The following BRWD1 variants were observed in gnomAD, a reference collection of about 807,000 sequenced individuals.
The protein encoded by BRWD1 is bromodomain and WD repeat domain containing 1, also known as bromodomain and WD repeat-containing protein 1.
A neutral mutation model predicts 251.2 loss-of-function variants in BRWD1; 82 were observed. The ratio of observed to expected loss-of-function variants is 0.33; its 90% CI spans 0.27 to 0.39. BRWD1 has a LOEUF of 0.39. Among genes scored for constraint, BRWD1 ranks in the 10% least tolerant of loss-of-function variants. BRWD1 has a pLI of 1.00. For synonymous variants in BRWD1, 918 were observed against 902.8 expected, an observed-to-expected ratio of 1.02 and a Z score of -0.30; for missense variants, 2,233 against 2,711.6, an observed-to-expected ratio of 0.82 and a Z score of 3.92.
chr21:39,262,301 C>T (rs1211613587), intron 17 of BRWD1, among the ~76,000 whole-genome samples: 1 of 152,084 alleles, frequency 6.6e-6, no homozygotes, highest in African/African-American at 2.4e-5. Flanking sequence ...GATAATATAC[C>T]CATCTATTCC....
At position 39,195,682 on chromosome 21, in the gene BRWD1, C is replaced by A; in HGVS notation, c.*577G>T. 1.0e-6 allele frequency: 1 copy of A among 985,174 alleles called. No individual in the cohort carries two copies. Among genetic ancestry groups the A allele is most frequent in the Non-Finnish European group, 1.2e-6 (1 of 829,682 alleles). 61.0% of individuals were successfully genotyped at this position (985,174 alleles called of 1,614,324 possible). A position where few individuals can be genotyped will look rare whatever the true frequency, so the allele number is the denominator to read the frequency against. ...CAGCACTTGGGAAGAAAATTAGAAA[C>A]CATTTCAATGAAAGTGACCAGATCT... On this transcript the variant is annotated 3_prime_UTR_variant, in exon 41 of 41. Coordinates refer to ENST00000342449, the MANE Select transcript of BRWD1 (RefSeq NM_033656.4).
At chr21:39,272,426 C>G (rs1041169826) in intron 13 of BRWD1, among the ~76,000 whole-genome samples, 4 of 151,120 alleles carry the variant, frequency 2.6e-5, no homozygotes, top group African/African-American at 9.7e-5. Flanking sequence ...ACTCGTGAGG[C>G]TGAGGCAGGA....
rs1350768791 is a variant in BRWD1, at chr21:39,277,271, C to T, written c.1084G>A (p.Ala362Thr). ...CTTACAGTGTGGCTTTCAAGTTCTG[C>T]GATTTTTTCGGGTGCTTCAAAACCC... is the stretch of plus-strand genomic sequence containing the variant. Reference protein sequence around the residue: ...FLGFEAPEKIAELESHTDKVD... With the variant: ...FLGFEAPEKITELESHTDKVD... The change falls in exon 11 of 41, where the codon GCA becomes ACA. Residue 362 changes from alanine to threonine, a missense_variant. Around this residue, in one of 12 missense-constraint regions of BRWD1, gnomAD observed 315 missense variants for 421.8 expected, o/e 0.75. Transcript: ENST00000342449. The T allele has an allele frequency of 3.1e-6, 5 of 1,609,888 alleles. No individual in the cohort carries two copies. The highest frequency in any genetic ancestry group is 2.7e-5 in the African/African-American group (2 of 74,764).
chr21:39,292,437 A>C (rs1036340147), intron 8 of BRWD1, among the ~76,000 whole-genome samples: 1 of 152,166 alleles, frequency 6.6e-6, no homozygotes, highest in Non-Finnish European at 1.5e-5. Flanking sequence ...AACACTAGAC[A>C]TTTTGTGCCT....
intron 21 of BRWD1, among the ~76,000 whole-genome samples, chr21:39,244,789 C>A (rs2034121203): frequency 1.3e-5 from 2 of 151,736 alleles, no homozygotes; most frequent in Admixed American, 1.3e-4. Flanking sequence ...TAGTTATTTC[C>A]AGACTAGGAT....
In BRWD1 at chr21:39,245,103, C is replaced by G. The variant is rs142955706; in HGVS notation, c.2481+2598G>C. On this transcript the variant is annotated intron_variant, in intron 21 of 40. Transcript: ENST00000342449. The stretch of plus-strand genomic sequence containing the variant: ...TACATAATATAATAGTTTAGCCAGG[C>G]AGGGTGGCTGGTGCCTGTTAATCCC... Among the ~76,000 whole-genome samples the G allele has an allele frequency of 2.9e-3, 443 of 151,420 alleles. 6 individuals carry two copies. Among genetic ancestry groups the G allele is most frequent in the African/African-American group, 0.01 (431 of 41,288 alleles).
intron 4 of BRWD1, among the ~76,000 whole-genome samples, chr21:39,311,031 A>G (rs762382288): frequency 8.7e-4 from 133 of 152,142 alleles, no homozygotes; most frequent in Non-Finnish European, 1.6e-3. Flanking sequence ...AGACAGACCA[A>G]ATCAGGGAGG....
intron 19 of BRWD1, among the ~76,000 whole-genome samples, chr21:39,253,758 A>G (rs934963006): frequency 3.3e-5 from 5 of 152,190 alleles, no homozygotes. Flanking sequence ...AATTTACAAA[A>G]TTATCTTCAA....
intron 27 of BRWD1, among the ~76,000 whole-genome samples, chr21:39,227,000 A>G (rs573917469): frequency 1.7e-3 from 255 of 152,054 alleles, no homozygotes; most frequent in Admixed American, 3.3e-3. Context: ...TGCAGCTTCC[A>G]GAATTTACAT....
chr21:39,313,575 C>G lies in BRWD1; in HGVS notation c.-84G>C, dbSNP rs909001929. 2.6e-6 allele frequency: 3 copies of G among 1,171,794 alleles called. No individual in the cohort carries two copies. Among genetic ancestry groups the G allele is most frequent in the Non-Finnish European group, 3.2e-6 (3 of 934,352 alleles). The allele number at this position is 1,171,794 out of a possible 1,614,324, so 72.6% of individuals were successfully genotyped here. Reference sequence around the variant, plus strand: ...CGAGGCCTGACCGGGCTGGCGTCCCCTCTTCTCAGGCGCGCGCCGCCGCCG... The same window carrying G: ...CGAGGCCTGACCGGGCTGGCGTCCCGTCTTCTCAGGCGCGCGCCGCCGCCG... On this transcript the variant is annotated 5_prime_UTR_variant, in exon 1 of 41. Transcript: ENST00000342449.
At chr21:39,220,407 T>C (rs779524962) in intron 29 of BRWD1, among the ~76,000 whole-genome samples, 13 of 152,196 alleles carry the variant, frequency 8.5e-5, no homozygotes, top group Non-Finnish European at 1.8e-4. Context: ...AAGTCAAAAG[T>C]AAATCAGTTC....
rs748743375 is a variant in BRWD1 at position 39,313,480 on chromosome 21, C to T, written c.12G>A (p.Pro4=). MAE[P]SSARRPVPLI... Reference sequence around the variant, plus strand: ...GAGGCACCGGGCGTCGGGCGGACGACGGCTCCGCCATGGCCGGGCGCGGGG... The same window carrying T: ...GAGGCACCGGGCGTCGGGCGGACGATGGCTCCGCCATGGCCGGGCGCGGGG... Residue 4 remains proline (P), a synonymous_variant, in exon 1 of 41, where the codon CCG becomes CCA. Transcript: ENST00000342449. 8.5e-4 allele frequency: 1,059 copies of T among 1,248,514 alleles called. 3 individuals are homozygous for T. The highest frequency in any genetic ancestry group is 1.0e-3 in the Non-Finnish European group (992 of 993,296). The allele number at this position is 1,248,514 out of a possible 1,614,324, so 77.3% of individuals were successfully genotyped here. A position where few individuals can be genotyped will look rare whatever the true frequency, so the allele number is the denominator to read the frequency against.
intron 5 of BRWD1, 165 bp downstream of exon 5, chr21:39,298,267 G>A (rs138191164): frequency 8.5e-5 from 109 of 1,284,282 alleles, no homozygotes; most frequent in Middle Eastern, 6.1e-4. Context: ...AAACACTTAT[G>A]TAATAAAATT....
Position 39,270,028 on chromosome 21 carries a change from A to G in BRWD1, c.1401T>C (p.His467=), listed in dbSNP as rs770865036. The change falls in exon 15 of 41, where the codon CAT becomes CAC. Residue 467 remains histidine (H), a synonymous_variant. Transcript: ENST00000342449. ...TCTCCAGAACAAATACTTCATCAGC[A>G]TGTCCCTTTATTTAACAAAGTCATA... is the stretch of plus-strand genomic sequence containing the variant. ...TGQLLHNLMG[H]ADEVFVLETH... 1 of 1,559,958 alleles carries G rather than the reference A, an allele frequency of 6.4e-7. No individual in the cohort carries two copies. The highest frequency in any genetic ancestry group is 8.7e-7 in the Non-Finnish European group (1 of 1,155,300).
At chr21:39,281,381 CA>C in intron 8 of BRWD1, among the ~76,000 whole-genome samples, 1 of 152,244 alleles carries the variant, frequency 6.6e-6, no homozygotes, top group East Asian at 1.9e-4. Flanking sequence ...GAGGAAAGAC[CA>C]AAAGAGAGGA....
At chr21:39,206,499 AT>A (rs2032396675) in intron 36 of BRWD1, among the ~76,000 whole-genome samples, 1 of 152,230 alleles carries the variant, frequency 6.6e-6, no homozygotes, top group Admixed American at 6.5e-5. Flanking sequence ...GAAGTCAAGC[AT>A]CTATATTCAG....
intron 13 of BRWD1, 57 bp downstream of exon 13, chr21:39,274,317 G>GAGAT: frequency 7.6e-7 from 1 of 1,318,150 alleles, no homozygotes; most frequent in Non-Finnish European, 1.1e-6. Context: ...GAGAGAGAGA[G>GAGAT]AGAGAGAGAC....
rs539634246 is a variant in BRWD1, at chr21:39,192,255, T to C, written c.*4004A>G. The C allele has an allele frequency of 2.8e-4, 267 of 949,296 alleles. 1 individual carries two copies. The African/African-American group carries it at 3.8e-3, about 14-fold the overall frequency. 58.8% of individuals were successfully genotyped at this position (949,296 alleles called of 1,614,324 possible). ...AGACAACACAGCCCTTAGCATTACA[T>C]ACTTTACTTTTCAATCCTTACTATT... On this transcript the variant is annotated 3_prime_UTR_variant, in exon 41 of 41. Coordinates refer to ENST00000342449, the MANE Select transcript of BRWD1 (RefSeq NM_033656.4).
At chr21:39,300,614 G>C (rs1312049309) in intron 4 of BRWD1, among the ~76,000 whole-genome samples, 2 of 152,096 alleles carry the variant, frequency 1.3e-5, no homozygotes, top group Admixed American at 6.6e-5. Context: ...CTTGAGAAAA[G>C]AGCACATCTT....
Sources: gnomAD v4.1 joint callset for allele counts (sites outside exome capture counted in the v4.1 genomes callset) on GRCh38, gnomAD v4.1.1 for gene constraint, gnomAD v4.1.1 regional missense constraint, MANE v1.5 for transcripts, NCBI Gene and HGNC (gene_info 2026-07-23, HGNC 2026-07-21) for gene names.